HVCN1: variants seen among roughly 807,000 people sequenced by gnomAD.
The protein encoded by HVCN1 is hydrogen voltage gated channel 1.
Under a neutral mutation model 29.2 loss-of-function variants are expected in HVCN1, and 14 were observed. The ratio of observed to expected loss-of-function variants is 0.48; its 90% CI spans 0.32 to 0.75. HVCN1 has a LOEUF of 0.75. HVCN1 is among the 30% of genes least tolerant of loss of function. HVCN1 has a pLI of 0.04. For missense variants in HVCN1, 263 were observed against 341.8 expected, an observed-to-expected ratio of 0.77 and a Z score of 1.82; for synonymous variants, 131 against 133.2, an observed-to-expected ratio of 0.98 and a Z score of 0.11.
At chr12:110,650,558 C>G (rs1440705544) in intron 6 of HVCN1, among the ~76,000 whole-genome samples, 1 of 152,162 alleles carries the variant, frequency 6.6e-6, no homozygotes, top group Non-Finnish European at 1.5e-5. Context: ...AGAACCTGTT[C>G]ACAATCATGT....
intron 6 of HVCN1, 55 bp downstream of exon 6, chr12:110,651,162 A>T (rs577208007): frequency 7.5e-7 from 1 of 1,330,092 alleles, no homozygotes; most frequent in East Asian, 2.3e-5. Context: ...CAGGCCTTGG[A>T]TGTATGCCTG....
intron 5 of HVCN1, among the ~76,000 whole-genome samples, chr12:110,653,626 G>T (rs2067888864): frequency 6.6e-6 from 1 of 152,074 alleles, no homozygotes; most frequent in Non-Finnish European, 1.5e-5. Flanking sequence ...CAGATCACTT[G>T]AGGTCAGGAG....
At position 110,648,939 on chromosome 12, in the gene HVCN1, C is replaced by G. The variant is rs1322821830; in HGVS notation, c.*471G>C. 5 of 422,234 alleles carry G rather than the reference C, an allele frequency of 1.2e-5. No individual in the cohort carries two copies. The highest frequency in any genetic ancestry group is 2.3e-5 in the Non-Finnish European group (5 of 219,206). The allele number at this position is 422,234 out of a possible 1,614,324, so 26.2% of individuals were successfully genotyped here. ...GCACACAGAGGAGGGGCCTGGGTACCCCTTTTGGGGAAACTGAGACGAAGC... is the reference window on the plus strand; with the variant it reads ...GCACACAGAGGAGGGGCCTGGGTACGCCTTTTGGGGAAACTGAGACGAAGC... On this transcript the variant is annotated 3_prime_UTR_variant, in exon 8 of 8. Coordinates refer to ENST00000242607, the MANE Select transcript of HVCN1 (RefSeq NM_032369.4).
intron 3 of HVCN1, among the ~76,000 whole-genome samples, chr12:110,663,225 A>T (rs1036835580): frequency 1.3e-5 from 2 of 152,116 alleles, no homozygotes; most frequent in Non-Finnish European, 1.5e-5. Context: ...TGATTTAGTG[A>T]TTCTATCCCT....
Position 110,655,347 on chromosome 12 carries a change from C to G in HVCN1, c.307-9G>C. ...AAGCAGATGATGATGACCTGTGGGCCGAGGGAAGGTGCCAGAGATCATGAG... is the reference window on the plus strand; with the variant it reads ...AAGCAGATGATGATGACCTGTGGGCGGAGGGAAGGTGCCAGAGATCATGAG... On this transcript the variant is annotated splice_polypyrimidine_tract_variant and intron_variant, in intron 4 of 7. Transcript: ENST00000242607. 1.2e-6 allele frequency: 2 copies of G among 1,608,098 alleles called. No individual in the cohort carries two copies. The highest frequency in any genetic ancestry group is 1.7e-6 in the Non-Finnish European group (2 of 1,174,830).
intron 2 of HVCN1, among the ~76,000 whole-genome samples, chr12:110,697,646 C>A (rs1387856976): frequency 1.3e-5 from 2 of 149,434 alleles, no homozygotes; most frequent in Non-Finnish European, 3.0e-5. Flanking sequence ...CAGCGCGAAG[C>A]ATCTTTTTTT....
chr12:110,667,693 A>G (rs1047774099), intron 3 of HVCN1, among the ~76,000 whole-genome samples: 1 of 152,090 alleles, frequency 6.6e-6, no homozygotes, highest in African/African-American at 2.4e-5. Context: ...CGGCCTCCCA[A>G]AGTTCTGGGA....
intron 3 of HVCN1, among the ~76,000 whole-genome samples, chr12:110,669,292 C>G (rs935712762): frequency 6.6e-6 from 1 of 152,108 alleles, no homozygotes; most frequent in African/African-American, 2.4e-5. Context: ...TCCCCTCTCC[C>G]TCACCAGAAC....
intron 3 of HVCN1, among the ~76,000 whole-genome samples, chr12:110,666,895 C>T (rs1391726870): frequency 6.6e-6 from 1 of 152,180 alleles, no homozygotes; most frequent in Non-Finnish European, 1.5e-5. Context: ...CTGTTATGTG[C>T]AGCCACATAT....
chr12:110,696,493 T>C (rs2069493511), intron 2 of HVCN1, among the ~76,000 whole-genome samples: 1 of 151,748 alleles, frequency 6.6e-6, no homozygotes, highest in African/African-American at 2.4e-5. Context: ...GGCAGGAGGA[T>C]TGCTTGAGCC....
intron 3 of HVCN1, among the ~76,000 whole-genome samples, chr12:110,663,238 A>G (rs544342157): frequency 6.6e-6 from 1 of 152,246 alleles, no homozygotes; most frequent in South Asian, 2.1e-4. Flanking sequence ...CTATCCCTAC[A>G]TAGGGTCCAA....
chr12:110,659,808 C>T lies in HVCN1; in HGVS notation c.306+1356G>A, dbSNP rs530256429. Among the ~76,000 whole-genome samples, 3 of 152,320 alleles carry T rather than the reference C, an allele frequency of 2.0e-5. No homozygotes were observed. The South Asian group carries it at 6.2e-4, about 32-fold the overall frequency. Reference sequence around the variant, plus strand: ...CATGGCCAGGCATAGTGGCTCACGCCTGTAATCCCAGCACTTTGGGAGGCT... The same window carrying T: ...CATGGCCAGGCATAGTGGCTCACGCTTGTAATCCCAGCACTTTGGGAGGCT... On this transcript the variant is annotated intron_variant, in intron 4 of 7. Coordinates refer to ENST00000242607, the MANE Select transcript of HVCN1 (RefSeq NM_032369.4).
chr12:110,683,382 C>G (rs550011172), intron 2 of HVCN1, 118 bp from the exon 3 acceptor site: 2 of 1,231,404 alleles, frequency 1.6e-6, no homozygotes, highest in Non-Finnish European at 2.2e-6. Flanking sequence ...TAACTGTGCC[C>G]GAAATTAGTG....
upstream of HVCN1, among the ~76,000 whole-genome samples, chr12:110,693,761 A>G (rs1376479930): frequency 6.6e-6 from 1 of 152,242 alleles, no homozygotes; most frequent in Admixed American, 6.5e-5. Flanking sequence ...AAAAAAATTC[A>G]AAACTTCAAT....
chr12:110,650,093 C>T, intron 7 of HVCN1, 75 bp downstream of exon 7: 1 of 959,562 alleles, frequency 1.0e-6, no homozygotes, highest in Middle Eastern at 2.1e-4. Flanking sequence ...GCTCCACCTG[C>T]CTTGGCCTCC....
At chr12:110,703,990 TTC>T (rs1270323054) in intron 1 of HVCN1, among the ~76,000 whole-genome samples, 1 of 152,170 alleles carries the variant, frequency 6.6e-6, no homozygotes, top group Non-Finnish European at 1.5e-5. Flanking sequence ...TGGCCTATTT[TTC>T]TCTTTTTTAA....
rs1202809965 is a variant in HVCN1, at chr12:110,676,309, G to C, written c.21+6916C>G. ...TCCTTCCCTGCTGCATTCTCCATCA[G>C]CTGCAGGAGAGCATCCCTCCAAGCA... On this transcript the variant is annotated intron_variant, in intron 3 of 7. Transcript: ENST00000242607. The surrounding 1 kb of genome is among the most constrained non-coding windows in gnomAD (Gnocchi z 4.1). Among the ~76,000 whole-genome samples, 1 of 152,168 alleles carries C rather than the reference G, an allele frequency of 6.6e-6. No homozygotes were observed. The highest frequency in any genetic ancestry group is 1.5e-5 in the Non-Finnish European group (1 of 68,036).
At chr12:110,703,210 A>C (rs2069579158) in intron 1 of HVCN1, among the ~76,000 whole-genome samples, 1 of 107,248 alleles carries the variant, frequency 9.3e-6, no homozygotes, top group Admixed American at 8.2e-5. Context: ...TCTCTACCAA[A>C]AAAAAAAAAA....
chr12:110,680,579 C>G (rs1273577099), intron 3 of HVCN1, among the ~76,000 whole-genome samples: 1 of 152,226 alleles, frequency 6.6e-6, no homozygotes, highest in Non-Finnish European at 1.5e-5. Flanking sequence ...ATCTACCCAT[C>G]TACCTCTTTC....
Sources: allele counts gnomAD v4.1 joint callset (sites outside exome capture counted in the v4.1 genomes callset), GRCh38; gene constraint gnomAD v4.1.1; non-coding constraint Gnocchi (gnomAD v3.1); transcripts MANE v1.5; gene names NCBI Gene and HGNC (gene_info 2026-07-23, HGNC 2026-07-21).